KLK14: variants seen among roughly 807,000 people sequenced by gnomAD.
The protein encoded by KLK14 is kallikrein-14.
In KLK14, 21 loss-of-function variants were observed where a neutral mutation model predicts 24.6. The observed-to-expected ratio is 0.85, with a 90% CI of 0.61 to 1.23. The LOEUF is 1.23. KLK14 is among the 50% of genes most tolerant of loss of function. The pLI, the probability that KLK14 is intolerant of heterozygous loss-of-function variation, is 0.00. For missense variants in KLK14, 320 were observed against 338.9 expected (o/e 0.94, Z 0.44); for synonymous variants, 133 against 139.7 (o/e 0.95, Z 0.34).
At chr19:51,079,031 C>T in intron 4 of KLK14, 80 bp from the exon 5 acceptor site, 2 of 1,540,604 alleles carry the variant, frequency 1.3e-6, no homozygotes, top group Non-Finnish European at 1.8e-6. Context: ...CCTCCTCCTT[C>T]CGACCCAGGA....
In KLK14 at chr19:51,078,984, A is replaced by T; in HGVS notation, c.467-33T>A. 6.2e-7 allele frequency: 1 copy of T among 1,606,944 alleles called. No individual in the cohort carries two copies. The highest frequency in any genetic ancestry group is 8.5e-7 in the Non-Finnish European group (1 of 1,177,548). Reference sequence around the variant, plus strand: ...ACACTGCAGGGTTATAACTGGGTCTACCCTCCCATAAGACCCAAGGGTCCA... The same window carrying T: ...ACACTGCAGGGTTATAACTGGGTCTTCCCTCCCATAAGACCCAAGGGTCCA... On this transcript the variant is annotated intron_variant, in intron 4 of 5. Transcript: ENST00000650543. The surrounding 1 kb of genome is among the most constrained non-coding windows in gnomAD (Gnocchi z 5.0).
intron 3 of KLK14, 98 bp from the exon 4 acceptor site, chr19:51,079,800 C>T: frequency 6.8e-7 from 1 of 1,469,522 alleles, no homozygotes; most frequent in Non-Finnish European, 9.0e-7. Context: ...CGAGTCTTCC[C>T]CGAGGTCTAG....
chr19:51,081,829 A>G, intron 2 of KLK14, 126 bp from the exon 3 acceptor site: 1 of 842,326 alleles, frequency 1.2e-6, no homozygotes, highest in South Asian at 2.0e-5. Flanking sequence ...GCCCGCCTCT[A>G]TCTGTCCCAC....
At chr19:51,082,991 A>G, upstream of KLK14, 1 of 579,386 alleles carries the variant, frequency 1.7e-6, no homozygotes, top group South Asian at 2.1e-5. Context: ...TTTATTGCCT[A>G]GTTCCCATTC....
At chr19:51,081,843 G>A in intron 2 of KLK14, 140 bp from the exon 3 acceptor site, 1 of 745,748 alleles carries the variant, frequency 1.3e-6, no homozygotes, top group East Asian at 3.1e-5. Flanking sequence ...GTCCCACCCA[G>A]GGTGAGACAT....
intron 4 of KLK14, 41 bp downstream of exon 4, chr19:51,079,408 C>G: frequency 6.4e-7 from 1 of 1,555,720 alleles, no homozygotes; most frequent in Non-Finnish European, 8.7e-7. Flanking sequence ...CCCAGGAGCC[C>G]AGGCCCAGTC....
At position 51,082,788 on chromosome 19, in the gene KLK14, C is replaced by A. The variant is rs773435362; in HGVS notation, c.-89G>T. On this transcript the variant is annotated 5_prime_UTR_variant, in exon 1 of 6. Transcript: ENST00000650543. ...AGGTAGGGACCAGAGACGAGGGGGG[C>A]GGGGCCTGCAGGCTCTGCGGGCGGC... is the stretch of plus-strand genomic sequence containing the variant. The A allele has an allele frequency of 1.9e-6, 3 of 1,606,612 alleles. No individual in the cohort carries two copies. In the Admixed American group the frequency reaches 5.1e-5, roughly 27 times the overall value.
At chr19:51,079,755 T>C (rs1568597808) in intron 3 of KLK14, 53 bp from the exon 4 acceptor site, 2 of 1,510,638 alleles carry the variant, frequency 1.3e-6, no homozygotes, top group South Asian at 2.5e-5. Context: ...CAGAGACTCC[T>C]CCCCACCCTC....
In KLK14 at chr19:51,078,077, C is replaced by T. The variant is rs2091814152; in HGVS notation, c.686G>A (p.Gly229Asp). ...SWGMERCALP[G>D]YPGVYTNLCK... Reference sequence around the variant, plus strand: ...CAGGTTGGTGTAGACACCGGGGTAGCCAGGCAGGGCGCAGCGCTCCATTCC... The same window carrying T: ...CAGGTTGGTGTAGACACCGGGGTAGTCAGGCAGGGCGCAGCGCTCCATTCC... The change falls in exon 6 of 6, where the codon GGC becomes GAC. Residue 229 changes from glycine to aspartate, a missense_variant. Gly to Asp is a moderately conservative substitution (Grantham distance 94). Coordinates refer to ENST00000650543, the MANE Select transcript of KLK14 (RefSeq NM_001369775.2). The surrounding 1 kb of genome is among the most constrained non-coding windows in gnomAD (Gnocchi z 5.0). 1 of 1,613,320 alleles carries T rather than the reference C, an allele frequency of 6.2e-7. No individual in the cohort carries two copies. The highest frequency in any genetic ancestry group is 8.5e-7 in the Non-Finnish European group (1 of 1,179,706).
In KLK14 at chr19:51,082,704, A is replaced by T; in HGVS notation, c.-23+18T>A. The T allele has an allele frequency of 1.2e-6, 2 of 1,614,036 alleles. No homozygotes were observed. The highest frequency in any genetic ancestry group is 1.1e-5 in the South Asian group (1 of 91,076). ...CAGAACCGGGGGCTGAGAGGCAGAGACAGCAAGGGGCACTTACCCAGAGCC... is the reference window on the plus strand; with the variant it reads ...CAGAACCGGGGGCTGAGAGGCAGAGTCAGCAAGGGGCACTTACCCAGAGCC... On this transcript the variant is annotated intron_variant, in intron 1 of 5. Coordinates refer to ENST00000650543, the MANE Select transcript of KLK14 (RefSeq NM_001369775.2).
At chr19:51,081,016 AG>A (rs2091836103) in intron 3 of KLK14, among the ~76,000 whole-genome samples, 1 of 152,222 alleles carries the variant, frequency 6.6e-6, no homozygotes, top group Non-Finnish European at 1.5e-5. Flanking sequence ...CTCATAGCGG[AG>A]CTATAGACTA....
chr19:51,081,512 C>G lies in KLK14; in HGVS notation c.212+20G>C. The G allele has an allele frequency of 6.7e-7, 1 of 1,488,148 alleles. No homozygotes were observed. The highest frequency in any genetic ancestry group is 9.0e-7 in the Non-Finnish European group (1 of 1,113,542). 92.2% of individuals were successfully genotyped at this position (1,488,148 alleles called of 1,614,324 possible). ...CTCTGGAATTCACTAGGTACAGGGACAGGGGAGGGGGTCACTTACGGGCGG... is the reference window on the plus strand; with the variant it reads ...CTCTGGAATTCACTAGGTACAGGGAGAGGGGAGGGGGTCACTTACGGGCGG... On this transcript the variant is annotated intron_variant, in intron 3 of 5. Transcript: ENST00000650543.
chr19:51,083,440 C>CAG (rs556104708), upstream of KLK14, among the ~76,000 whole-genome samples: 85 of 141,642 alleles, frequency 6.0e-4, no homozygotes, highest in East Asian at 8.1e-3. Context: ...CAGAGAGACA[C>CAG]AGAGAGAGAG....
In KLK14 at chr19:51,078,186, C is replaced by T. The variant is rs1219266860; in HGVS notation, c.604-27G>A. 1 of 1,609,308 alleles carries T rather than the reference C, an allele frequency of 6.2e-7. No homozygotes were observed. The highest frequency in any genetic ancestry group is 2.2e-5 in the East Asian group (1 of 44,796). On this transcript the variant is annotated intron_variant, in intron 5 of 5. Transcript: ENST00000650543. This position sits in a 1 kb window ranked among gnomAD's most constrained non-coding sequence, Gnocchi z 5.0. Reference sequence around the variant, plus strand: ...TGAGGGGGAGGAACAGAAATGGAGACACTGATGGACAGGTAGCCAGAGCCA... The same window carrying T: ...TGAGGGGGAGGAACAGAAATGGAGATACTGATGGACAGGTAGCCAGAGCCA...
upstream of KLK14, among the ~76,000 whole-genome samples, chr19:51,083,597 G>A (rs2091854225): frequency 1.3e-5 from 2 of 151,868 alleles, no homozygotes; most frequent in Admixed American, 1.3e-4. Flanking sequence ...CATGAGAGAA[G>A]GAACTGAGGA....
chr19:51,078,032 A>G lies in KLK14; in HGVS notation c.731T>C (p.Ile244Thr), dbSNP rs1003090618. 2 of 1,613,724 alleles carry G rather than the reference A, an allele frequency of 1.2e-6. No homozygotes were observed. Among genetic ancestry groups the G allele is most frequent in the African/African-American group, 1.3e-5 (1 of 74,864 alleles). The change falls in exon 6 of 6, where the codon ATT becomes ACT. Residue 244 changes from isoleucine to threonine, a missense_variant. By Grantham distance (89) the Ile-to-Thr change is moderately conservative (BLOSUM62 -1). Transcript: ENST00000650543. This position sits in a 1 kb window ranked among gnomAD's most constrained non-coding sequence, Gnocchi z 5.0. Reference sequence around the variant, plus strand: ...TCATTTGTCCCGCATCGTTTCCTCAATCCAGCTTCTGTACTTGCACAGGTT... The same window carrying G: ...TCATTTGTCCCGCATCGTTTCCTCAGTCCAGCTTCTGTACTTGCACAGGTT... Reference protein sequence around the residue: ...YTNLCKYRSWIEETMRDK With the variant: ...YTNLCKYRSWTEETMRDK
At chr19:51,079,884 G>C (rs920986167) in intron 3 of KLK14, among the ~76,000 whole-genome samples, 182 bp from the exon 4 acceptor site, 9 of 152,084 alleles carry the variant, frequency 5.9e-5, no homozygotes, top group Admixed American at 3.9e-4. Flanking sequence ...GCATTCTCTC[G>C]GCCCAGCCCC....
At chr19:51,083,284 A>AGG (rs869248866), upstream of KLK14, among the ~76,000 whole-genome samples, 1 of 124,492 alleles carries the variant, frequency 8.0e-6, no homozygotes, top group African/African-American at 3.4e-5. Flanking sequence ...GGAGGGAGAG[A>AGG]GGGAGAGAGA....
intron 3 of KLK14, among the ~76,000 whole-genome samples, chr19:51,080,052 C>A (rs2091830715): frequency 6.6e-6 from 1 of 152,232 alleles, no homozygotes; most frequent in Admixed American, 6.5e-5. Context: ...TAAATCGGAA[C>A]TGATATTCCG....
Sources: allele counts gnomAD v4.1 joint callset (sites outside exome capture counted in the v4.1 genomes callset), GRCh38; gene constraint gnomAD v4.1.1; non-coding constraint Gnocchi (gnomAD v3.1); transcripts MANE v1.5; gene names NCBI Gene and HGNC (gene_info 2026-07-23, HGNC 2026-07-21).